ARSB: variants seen among roughly 807,000 people sequenced by gnomAD.
The protein encoded by ARSB is arylsulfatase B.
Under a neutral mutation model 50.9 loss-of-function variants are expected in ARSB, and 41 were observed. The observed-to-expected ratio is 0.81, with a 90% CI of 0.63 to 1.04. The LOEUF is 1.04. Among genes scored for constraint, ARSB ranks in the 50% least tolerant of loss-of-function variants. The probability of loss-of-function intolerance (pLI) is 0.00; values close to 1 mark genes in which losing one functional copy is unlikely to be tolerated. For missense variants in ARSB, 672 were observed against 693.3 expected, an observed-to-expected ratio of 0.97 and a Z score of 0.35; for synonymous variants, 269 against 284.8, an observed-to-expected ratio of 0.94 and a Z score of 0.56.
chr5:78,826,980 G>C (rs1191538754), intron 6 of ARSB, among the ~76,000 whole-genome samples: 1 of 152,080 alleles, frequency 6.6e-6, no homozygotes, highest in Non-Finnish European at 1.5e-5. Context: ...CAGAAGGAAA[G>C]GGCACCTACA....
At chr5:78,960,078 G>A (rs1751915036) in intron 3 of ARSB, among the ~76,000 whole-genome samples, 1 of 152,270 alleles carries the variant, frequency 6.6e-6, no homozygotes, top group East Asian at 1.9e-4. Context: ...TACTGCCTTA[G>A]CTCCAACCCT....
At chr5:78,805,916 G>A (rs1340470830) in intron 6 of ARSB, among the ~76,000 whole-genome samples, 1 of 152,226 alleles carries the variant, frequency 6.6e-6, no homozygotes, top group African/African-American at 2.4e-5. Context: ...GAGGCACTGT[G>A]AGCTTGGGCT....
chr5:78,855,775 C>A (rs1296297828), intron 5 of ARSB, among the ~76,000 whole-genome samples: 1 of 152,132 alleles, frequency 6.6e-6, no homozygotes, highest in Non-Finnish European at 1.5e-5. Context: ...GTTGATGGGG[C>A]TGCTGGGATC....
At chr5:78,973,865 C>A (rs1304456588) in intron 1 of ARSB, among the ~76,000 whole-genome samples, 2 of 152,190 alleles carry the variant, frequency 1.3e-5, no homozygotes, top group Non-Finnish European at 2.9e-5. Context: ...AAAATGAACT[C>A]ATATCCTCAT....
intron 6 of ARSB, among the ~76,000 whole-genome samples, chr5:78,801,398 G>A (rs550187314): frequency 6.6e-5 from 10 of 152,320 alleles, no homozygotes; most frequent in African/African-American, 2.4e-4. Context: ...TCTAGACGAT[G>A]AATAGAGCAG....
chr5:78,820,373 T>C (rs1744161748), intron 6 of ARSB, among the ~76,000 whole-genome samples: 1 of 152,120 alleles, frequency 6.6e-6, no homozygotes, highest in Non-Finnish European at 1.5e-5. Context: ...TATCTACAAA[T>C]AAACATGTTT....
intron 6 of ARSB, among the ~76,000 whole-genome samples, chr5:78,798,650 G>C (rs2112642084): frequency 6.6e-6 from 1 of 152,338 alleles, no homozygotes; most frequent in African/African-American, 2.4e-5. Context: ...CACAGTTTTG[G>C]ATAAGGATGA....
At chr5:78,852,168 C>T (rs1379372514) in intron 5 of ARSB, among the ~76,000 whole-genome samples, 1 of 152,320 alleles carries the variant, frequency 6.6e-6, no homozygotes, top group Non-Finnish European at 1.5e-5. Flanking sequence ...ATGGTCTTTA[C>T]AATTTGGCAT....
chr5:78,957,529 T>C (rs907456655), intron 3 of ARSB, among the ~76,000 whole-genome samples: 1 of 152,190 alleles, frequency 6.6e-6, no homozygotes, highest in Admixed American at 6.5e-5. Flanking sequence ...ACGCAGCTGA[T>C]GGAGTGAAAA....
intron 3 of ARSB, 64 bp downstream of exon 3, chr5:78,964,352 C>T (rs1041180361): frequency 6.0e-6 from 9 of 1,500,262 alleles, no homozygotes; most frequent in Non-Finnish European, 8.3e-6. Context: ...CCTTTTCCTA[C>T]ATTTGTCTGA....
At chr5:78,794,250 T>C (rs759595874) in intron 6 of ARSB, among the ~76,000 whole-genome samples, 14 of 152,124 alleles carry the variant, frequency 9.2e-5, no homozygotes, top group Non-Finnish European at 1.6e-4. Context: ...GGCTTGCGGC[T>C]CTGTTAAAAA....
intron 5 of ARSB, 74 bp downstream of exon 5, chr5:78,885,510 T>A (rs1473971717): frequency 3.2e-6 from 5 of 1,573,382 alleles, no homozygotes; most frequent in Non-Finnish European, 4.3e-6. Flanking sequence ...ACAAAAGCTA[T>A]CATTCTTGCT....
intron 1 of ARSB, among the ~76,000 whole-genome samples, chr5:78,972,356 C>A (rs932964850): frequency 2.6e-5 from 4 of 152,096 alleles, no homozygotes; most frequent in Non-Finnish European, 5.9e-5. Flanking sequence ...TAGCATTTTG[C>A]CCCACACATT....
chr5:78,922,511 C>T (rs1453137880), intron 4 of ARSB, among the ~76,000 whole-genome samples: 2 of 152,012 alleles, frequency 1.3e-5, no homozygotes, highest in Non-Finnish European at 2.9e-5. Context: ...CACCTGCTAA[C>T]TTAAGAGCCC....
chr5:78,974,111 A>T (rs1165131971), intron 1 of ARSB, among the ~76,000 whole-genome samples: 1 of 152,204 alleles, frequency 6.6e-6, no homozygotes, highest in East Asian at 1.9e-4. Context: ...CTTAGGGTTT[A>T]TTCCTGGAGA....
At chr5:78,848,073 T>A (rs1202103561) in intron 5 of ARSB, among the ~76,000 whole-genome samples, 3 of 150,780 alleles carry the variant, frequency 2.0e-5, no homozygotes, top group Non-Finnish European at 4.4e-5. Flanking sequence ...TATTATTATT[T>A]TATTATTATT....
intron 4 of ARSB, among the ~76,000 whole-genome samples, chr5:78,902,174 T>C (rs986655256): frequency 4.6e-5 from 7 of 152,200 alleles, no homozygotes; most frequent in Non-Finnish European, 7.4e-5. Context: ...GAGAACTCAC[T>C]TTTATAACAA....
intron 1 of ARSB, among the ~76,000 whole-genome samples, chr5:78,974,565 G>A (rs925373465): frequency 3.9e-5 from 6 of 152,156 alleles, no homozygotes; most frequent in Non-Finnish European, 7.3e-5. Context: ...TGACCAGAGA[G>A]CAACAGCTTA....
At chr5:78,784,715 C>T (rs1749031332) in intron 6 of ARSB, among the ~76,000 whole-genome samples, 1 of 151,290 alleles carries the variant, frequency 6.6e-6, no homozygotes, top group Non-Finnish European at 1.5e-5. Context: ...GTAATATTGC[C>T]TGTTTATTCC....
Sources: allele counts gnomAD v4.1 joint callset (sites outside exome capture counted in the v4.1 genomes callset), GRCh38; gene constraint gnomAD v4.1.1; transcripts MANE v1.5; gene names NCBI Gene and HGNC (gene_info 2026-07-23, HGNC 2026-07-21).